The following AUTS2 variants were observed in gnomAD, a reference collection of about 807,000 sequenced individuals.
AUTS2 encodes activator of transcription and developmental regulator AUTS2, also known as autism susceptibility gene 2 protein.
AUTS2 carries 17 observed loss-of-function variants against 112.4 expected under a neutral mutation model. The ratio of observed to expected loss-of-function variants is 0.15; its 90% confidence interval spans 0.10 to 0.23. The LOEUF is 0.23. Among genes scored for constraint, AUTS2 ranks in the 10% least tolerant of loss-of-function variants. The probability of loss-of-function intolerance (pLI) is 1.00; values close to 1 mark genes in which losing one functional copy is unlikely to be tolerated. For synonymous variants in AUTS2, 751 were observed against 702.7 expected, an observed-to-expected ratio of 1.07 and a Z score of -1.09; for missense variants, 1,510 against 1,701.6, an observed-to-expected ratio of 0.89 and a Z score of 1.98.
rs535591957 is a variant in AUTS2, at chr7:70,748,434, C to T, written c.743-14436C>T. 1.8e-4 allele frequency among the ~76,000 whole-genome samples: 27 copies of T among 152,268 alleles called. 1 individual carries two copies. The South Asian group carries it at 5.6e-3, about 32-fold the overall frequency. On this transcript the variant is annotated intron_variant, in intron 6 of 18. Coordinates refer to ENST00000342771, the MANE Select transcript of AUTS2 (RefSeq NM_015570.4). Reference sequence around the variant, plus strand: ...CTCCCTGTCACCCCCTTTGTAAAAACCTCTTTCAGCTTTGCAGCCATCATG... The same window carrying T: ...CTCCCTGTCACCCCCTTTGTAAAAATCTCTTTCAGCTTTGCAGCCATCATG...
At chr7:69,653,643 G>GTT (rs745977360) in intron 1 of AUTS2, among the ~76,000 whole-genome samples, 9 of 138,690 alleles carry the variant, frequency 6.5e-5, no homozygotes, top group African/African-American at 1.8e-4. Context: ...GGTGGGTTTG[G>GTT]TTTTTTTTTT....
At chr7:70,368,171 A>G (rs1052798616) in intron 4 of AUTS2, among the ~76,000 whole-genome samples, 1 of 152,210 alleles carries the variant, frequency 6.6e-6, no homozygotes, top group Non-Finnish European at 1.5e-5. Flanking sequence ...CAAGTTCCTT[A>G]TGTATAAAAT....
chr7:70,743,629 G>A (rs1788257706), intron 6 of AUTS2, among the ~76,000 whole-genome samples: 1 of 152,168 alleles, frequency 6.6e-6, no homozygotes, highest in African/African-American at 2.4e-5. Context: ...CATTGATCTG[G>A]GGTTTTGAGG....
At chr7:69,810,272 TG>T (rs1790491999) in intron 1 of AUTS2, among the ~76,000 whole-genome samples, 2 of 152,186 alleles carry the variant, frequency 1.3e-5, no homozygotes, top group South Asian at 4.1e-4. Flanking sequence ...TGTAGAGTCT[TG>T]GGTAAATTAC....
At chr7:69,877,684 C>T in intron 1 of AUTS2, among the ~76,000 whole-genome samples, 1 of 152,054 alleles carries the variant, frequency 6.6e-6, no homozygotes, top group East Asian at 1.9e-4. Flanking sequence ...TGTTTAGTTC[C>T]CACTTACGGG....
intron 4 of AUTS2, among the ~76,000 whole-genome samples, chr7:70,405,445 C>T (rs979902144): frequency 7.9e-5 from 12 of 152,180 alleles, no homozygotes; most frequent in Non-Finnish European, 1.0e-4. Context: ...CTGATACAAG[C>T]TTTTACATTC....
At chr7:70,423,730 A>C (rs1341683485) in intron 4 of AUTS2, among the ~76,000 whole-genome samples, 1 of 152,044 alleles carries the variant, frequency 6.6e-6, no homozygotes, top group Non-Finnish European at 1.5e-5. Flanking sequence ...TAAAACTATT[A>C]GTTACCTGGA....
At chr7:70,110,240 G>A (rs1012183489) in intron 2 of AUTS2, among the ~76,000 whole-genome samples, 3 of 152,200 alleles carry the variant, frequency 2.0e-5, no homozygotes, top group Non-Finnish European at 4.4e-5. Flanking sequence ...TTAGGGCTGG[G>A]CGCAGTGGCT....
intron 5 of AUTS2, among the ~76,000 whole-genome samples, chr7:70,588,493 G>C (rs554694300): frequency 3.3e-5 from 5 of 152,180 alleles, no homozygotes; most frequent in Non-Finnish European, 7.3e-5. Flanking sequence ...AAGAAACAGA[G>C]CTGTGATAGC....
chr7:70,647,653 C>T (rs1806245582), intron 5 of AUTS2, among the ~76,000 whole-genome samples: 1 of 152,176 alleles, frequency 6.6e-6, no homozygotes, highest in East Asian at 1.9e-4. Flanking sequence ...TTTTCTGGGA[C>T]TTGCACTTTG....
At chr7:70,052,920 T>C (rs1438353902) in intron 2 of AUTS2, among the ~76,000 whole-genome samples, 2 of 152,154 alleles carry the variant, frequency 1.3e-5, no homozygotes, top group Admixed American at 1.3e-4. Context: ...TGAGATAATA[T>C]ACAAAAAGAT....
Position 70,481,752 on chromosome 7 carries a change from GCCACAGT to G in AUTS2, c.690+45981_690+45987del, listed in dbSNP as rs1445039091. Among the ~76,000 whole-genome samples, 5 of 152,274 alleles carry G rather than the reference GCCACAGT, an allele frequency of 3.3e-5. No individual in the cohort carries two copies. The East Asian group carries it at 5.8e-4, about 18-fold the overall frequency. ...TTAAGTGTTTGGGGTCCTATCTGAC[GCCACAGT>G]CCACAGTCCTAGTTAGATGAGGTTA... is the stretch of plus-strand genomic sequence containing the variant. On this transcript the variant is annotated intron_variant, in intron 5 of 18. Coordinates refer to ENST00000342771, the MANE Select transcript of AUTS2 (RefSeq NM_015570.4).
chr7:70,012,584 T>G (rs569017061), intron 2 of AUTS2, among the ~76,000 whole-genome samples: 18 of 152,300 alleles, frequency 1.2e-4, no homozygotes, highest in African/African-American at 4.8e-5. Flanking sequence ...CTCTTTTTCC[T>G]TACCATTTTT....
chr7:70,508,566 G>T (rs949946858), intron 5 of AUTS2, among the ~76,000 whole-genome samples: 1 of 152,068 alleles, frequency 6.6e-6, no homozygotes, highest in Non-Finnish European at 1.5e-5. Flanking sequence ...AGTCAGTCCT[G>T]AATCTCCAAC....
intron 4 of AUTS2, among the ~76,000 whole-genome samples, chr7:70,345,521 C>T (rs1305795108): frequency 1.3e-5 from 2 of 152,296 alleles, no homozygotes; most frequent in East Asian, 3.9e-4. Context: ...CCACCATGCC[C>T]TTTCTCCCTT....
chr7:69,883,847 A>G (rs555535047), intron 1 of AUTS2, among the ~76,000 whole-genome samples: 2 of 152,282 alleles, frequency 1.3e-5, no homozygotes, highest in East Asian at 3.9e-4. Flanking sequence ...CGCCATGTGT[A>G]TTGACTCCTC....
At chr7:70,699,298 G>A (rs1809314504) in intron 6 of AUTS2, 1 of 152,184 alleles carries the variant, frequency 6.6e-6, no homozygotes, top group African/African-American at 2.4e-5. Context: ...TGTGTAATTT[G>A]AAAGGGACAA....
chr7:70,169,243 T>C (rs1244005437), intron 4 of AUTS2, among the ~76,000 whole-genome samples: 1 of 151,662 alleles, frequency 6.6e-6, no homozygotes, highest in Non-Finnish European at 1.5e-5. Context: ...ATTATTAATA[T>C]ATATATATTT....
chr7:70,747,631 G>A (rs1788538369), intron 6 of AUTS2, among the ~76,000 whole-genome samples: 1 of 151,570 alleles, frequency 6.6e-6, no homozygotes, highest in South Asian at 2.1e-4. Flanking sequence ...GCTATGTTTT[G>A]TTTTGTTTTT....
Sources: allele counts gnomAD v4.1 joint callset (sites outside exome capture counted in the v4.1 genomes callset), GRCh38; gene constraint gnomAD v4.1.1; transcripts MANE v1.5; gene names NCBI Gene and HGNC (gene_info 2026-07-23, HGNC 2026-07-21).